Variants in MTA3 observed in about 807,000 individuals in gnomAD.
MTA3 encodes metastasis-associated protein MTA3.
Under a neutral mutation model 83.5 loss-of-function variants are expected in MTA3, and 34 were observed. The observed-to-expected ratio is 0.41, with a 90% confidence interval of 0.31 to 0.54. MTA3 has a LOEUF of 0.54. Ranked by LOEUF, MTA3 falls within the 20% of genes least tolerant of loss-of-function variation. The probability of loss-of-function intolerance (pLI) is 0.33; values close to 1 mark genes in which losing one functional copy is unlikely to be tolerated. For synonymous variants in MTA3, 303 were observed against 252.7 expected (o/e 1.20, Z -1.89); for missense variants, 761 against 726.4 (o/e 1.05, Z -0.55).
chr2:42,729,292 G>A (rs1432042166), intron 16 of MTA3, among the ~76,000 whole-genome samples: 1 of 151,308 alleles, frequency 6.6e-6, no homozygotes, highest in African/African-American at 2.4e-5. Flanking sequence ...TAGTAGAGAC[G>A]GGGTTTCACC....
chr2:42,580,844 G>A (rs1451029051), intron 3 of MTA3, among the ~76,000 whole-genome samples: 1 of 152,022 alleles, frequency 6.6e-6, no homozygotes, highest in African/African-American at 2.4e-5. Flanking sequence ...GATCCGCCCA[G>A]CTTGGGAGTG....
At chr2:42,524,470 G>GTGTT (rs1675577069) in intron 2 of MTA3, among the ~76,000 whole-genome samples, 1 of 95,988 alleles carries the variant, frequency 1.0e-5, no homozygotes, top group African/African-American at 4.3e-5. Context: ...CTGGCTAGTT[G>GTGTT]TGTTTTTTTT....
intron 15 of MTA3, among the ~76,000 whole-genome samples, chr2:42,722,628 G>A (rs1253871022): frequency 2.6e-5 from 4 of 152,112 alleles, no homozygotes; most frequent in African/African-American, 9.7e-5. Context: ...ACCTTCTGAA[G>A]TGGCTTTTTG....
chr2:42,574,712 C>G (rs1178550466), intron 2 of MTA3, among the ~76,000 whole-genome samples: 1 of 152,144 alleles, frequency 6.6e-6, no homozygotes, highest in Non-Finnish European at 1.5e-5. Flanking sequence ...AGGCGTGAAC[C>G]ACTGCACCCC....
chr2:42,607,496 C>T (rs1455214204), intron 3 of MTA3, among the ~76,000 whole-genome samples: 1 of 152,166 alleles, frequency 6.6e-6, no homozygotes, highest in Non-Finnish European at 1.5e-5. Context: ...CCTCCTACAT[C>T]AGTCTCTGAG....
At position 42,511,895 on chromosome 2, in the gene MTA3, T is replaced by A. The variant is rs557799020; in HGVS notation, c.-141+16641T>A. On this transcript the variant is annotated intron_variant, in intron 2 of 17. Transcript: ENST00000405592. ...AGCCCGGCGTCGTGGCGTGTGCCTG[T>A]AGTCCCAGCTGCTGGGGAGTCTGAA... is the stretch of plus-strand genomic sequence containing the variant. 2.0e-5 allele frequency: 3 copies of A among 151,996 alleles called. No individual in the cohort carries two copies. The South Asian group carries it at 6.2e-4, about 32-fold the overall frequency. 9.4% of individuals were successfully genotyped at this position (151,996 alleles called of 1,614,324 possible). A position where few individuals can be genotyped will look rare whatever the true frequency, so the allele number is the denominator to read the frequency against.
At chr2:42,723,330 G>T in intron 16 of MTA3, 1 of 304,846 alleles carries the variant, frequency 3.3e-6, no homozygotes, top group Non-Finnish European at 6.1e-6. Flanking sequence ...GCTGTGATGC[G>T]CGCTCACTGT....
chr2:42,627,559 CT>C (rs956245672), intron 4 of MTA3, among the ~76,000 whole-genome samples: 1 of 151,306 alleles, frequency 6.6e-6, no homozygotes, highest in South Asian at 2.1e-4. Flanking sequence ...GGTTTAGATT[CT>C]TTTTTTCTTT....
At chr2:42,651,843 C>T (rs759602767) in intron 6 of MTA3, among the ~76,000 whole-genome samples, 3 of 151,782 alleles carry the variant, frequency 2.0e-5, no homozygotes, top group Non-Finnish European at 4.4e-5. Context: ...CTCGTAATCC[C>T]AGCACTTTGG....
At chr2:42,610,475 C>T (rs563100676) in intron 4 of MTA3, among the ~76,000 whole-genome samples, 64 of 152,174 alleles carry the variant, frequency 4.2e-4, no homozygotes, top group Non-Finnish European at 7.6e-4. Flanking sequence ...ATGGACCACC[C>T]TTCCATTAAT....
At chr2:42,683,017 G>T (rs1324932354) in intron 9 of MTA3, among the ~76,000 whole-genome samples, 1 of 152,192 alleles carries the variant, frequency 6.6e-6, no homozygotes, top group Non-Finnish European at 1.5e-5. Context: ...GTTTCAGTGA[G>T]CCGAGATGGC....
At chr2:42,748,277 G>T (rs933411056) in intron 16 of MTA3, among the ~76,000 whole-genome samples, 2 of 150,850 alleles carry the variant, frequency 1.3e-5, no homozygotes, top group African/African-American at 2.4e-5. Context: ...TGTTGGCCAG[G>T]ATGGTTTCCA....
At chr2:42,611,836 G>C (rs1684258141) in intron 4 of MTA3, among the ~76,000 whole-genome samples, 1 of 152,096 alleles carries the variant, frequency 6.6e-6, no homozygotes, top group African/African-American at 2.4e-5. Context: ...AAATAGGTGA[G>C]ATAGATAAAT....
intron 8 of MTA3, among the ~76,000 whole-genome samples, chr2:42,674,869 G>GGAT: frequency 6.6e-6 from 1 of 151,534 alleles, no homozygotes. Context: ...CAAAGTGCTG[G>GGAT]GATTAGAGGC....
intron 13 of MTA3, 29 bp downstream of exon 13, chr2:42,708,083 T>C (rs1458625042): frequency 6.3e-7 from 1 of 1,578,622 alleles, no homozygotes; most frequent in East Asian, 2.2e-5. Context: ...TGTTGAAAAA[T>C]GGCATGTTTT....
At chr2:42,734,865 T>G (rs1196091510) in intron 16 of MTA3, among the ~76,000 whole-genome samples, 1 of 152,194 alleles carries the variant, frequency 6.6e-6, no homozygotes, top group Non-Finnish European at 1.5e-5. Flanking sequence ...ACACTTTAAC[T>G]TCATCCCCCG....
In MTA3 at chr2:42,570,490, G is replaced by A; in HGVS notation, c.82G>A (p.Glu28Lys). Residue 28 changes from glutamate to lysine, a missense_variant, in exon 2 of 17, where the codon GAA becomes AAA. Transcript: ENST00000405094. The stretch of plus-strand genomic sequence containing the variant: ...CAACCCATACCTAATAAGAAGGATA[G>A]AAGAACTCAACAAGGTATACACTGA... ...SSNPYLIRRI[E>K]ELNKTASGNV... 1 of 1,534,960 alleles carries A rather than the reference G, an allele frequency of 6.5e-7. No individual in the cohort carries two copies. Among genetic ancestry groups the A allele is most frequent in the Non-Finnish European group, 8.9e-7 (1 of 1,129,708 alleles).
At chr2:42,570,665 C>T (rs1471714322) in intron 2 of MTA3, among the ~76,000 whole-genome samples, 161 bp downstream of exon 2, 1 of 151,998 alleles carries the variant, frequency 6.6e-6, no homozygotes, top group African/African-American at 2.4e-5. Context: ...TGGAGACCAG[C>T]CTGTGCAACA....
At chr2:42,623,089 G>C (rs1044848845) in intron 4 of MTA3, among the ~76,000 whole-genome samples, 2 of 152,192 alleles carry the variant, frequency 1.3e-5, no homozygotes, top group Non-Finnish European at 2.9e-5. Context: ...AGTCAGTTGG[G>C]TGGTATATGG....
Sources: gnomAD v4.1 joint callset for allele counts (sites outside exome capture counted in the v4.1 genomes callset) on GRCh38, gnomAD v4.1.1 for gene constraint, MANE v1.5 for transcripts, NCBI Gene and HGNC (gene_info 2026-07-23, HGNC 2026-07-21) for gene names.